Variants in ESYT2 observed in about 807,000 individuals in gnomAD.
ESYT2 encodes the protein extended synaptotagmin-2.
A neutral mutation model predicts 107.2 loss-of-function variants in ESYT2; 54 were observed. The ratio of observed to expected loss-of-function variants is 0.50; its 90% CI spans 0.40 to 0.63. ESYT2 has a LOEUF of 0.63. ESYT2 is among the 30% of genes least tolerant of loss of function. ESYT2 has a pLI of 0.00. For synonymous variants in ESYT2, 491 were observed against 434.1 expected (o/e 1.13, Z -1.63); for missense variants, 1,020 against 1,094.5 (o/e 0.93, Z 0.96).
intron 1 of ESYT2, among the ~76,000 whole-genome samples, chr7:158,809,625 A>G (rs1365079602): frequency 2.0e-5 from 3 of 152,208 alleles, no homozygotes; most frequent in Non-Finnish European, 4.4e-5. Context: ...CAAAATCACA[A>G]TGAGGTATCA....
At chr7:158,734,819 A>G (rs1046402002) in intron 21 of ESYT2, among the ~76,000 whole-genome samples, 1 of 152,236 alleles carries the variant, frequency 6.6e-6, no homozygotes, top group Non-Finnish European at 1.5e-5. Context: ...GTAGGCTAAG[A>G]CAATGTCTTT....
At chr7:158,825,331 C>A (rs969044751) in intron 1 of ESYT2, among the ~76,000 whole-genome samples, 2 of 152,110 alleles carry the variant, frequency 1.3e-5, no homozygotes, top group East Asian at 3.9e-4. Flanking sequence ...ATAAATAAAT[C>A]TTCTCTTCTT....
chr7:158,820,852 TAA>T (rs1432821202), intron 1 of ESYT2, among the ~76,000 whole-genome samples: 6 of 152,224 alleles, frequency 3.9e-5, no homozygotes. Flanking sequence ...ATGCTAGGAT[TAA>T]ACAGATTTGC....
intron 22 of ESYT2, 68 bp from the exon 23 acceptor site, chr7:158,734,320 G>A (rs1312492725): frequency 1.1e-5 from 18 of 1,612,078 alleles, no homozygotes; most frequent in Admixed American, 1.7e-5. Flanking sequence ...TATCAGATAC[G>A]TGTCGGGTTC....
rs1045928660 is a variant in ESYT2 at position 158,732,702 on chromosome 7, GGTTT to G, written c.*1501_*1504del. On this transcript the variant is annotated 3_prime_UTR_variant, in exon 23 of 23. Coordinates refer to ENST00000275418, the MANE Select transcript of ESYT2 (RefSeq NM_001367773.1). The stretch of plus-strand genomic sequence containing the variant: ...CCACCCGCCCCGTCACAGGCACTTT[GGTTT>G]GTTTGGTCATGTGAGTTACCCACAA... 6.6e-6 allele frequency: 1 copy of G among 152,606 alleles called. No individual in the cohort carries two copies. Among genetic ancestry groups the G allele is most frequent in the African/African-American group, 2.4e-5 (1 of 41,442 alleles). 9.5% of individuals were successfully genotyped at this position (152,606 alleles called of 1,614,324 possible).
rs1036618091 is a variant in ESYT2 at position 158,741,876 on chromosome 7, T to A, written c.1815A>T (p.Arg605=). The change falls in exon 18 of 23, where the codon CGA becomes CGT. Residue 605 remains arginine (R), a synonymous_variant. Transcript: ENST00000275418. The part of the protein sequence containing the change: ...IALRVLHLEK[R]ERPPDHQHSA... Reference sequence around the variant, plus strand: ...AGTGTTGGTGGTCTGGAGGCCTTTCTCGCTTTTCGAGATGGAGCACCTAGA... The same window carrying A: ...AGTGTTGGTGGTCTGGAGGCCTTTCACGCTTTTCGAGATGGAGCACCTAGA... The A allele has an allele frequency of 6.2e-6, 10 of 1,606,274 alleles. No individual in the cohort carries two copies. The highest frequency in any genetic ancestry group is 7.6e-6 in the Non-Finnish European group (9 of 1,176,880).
intron 8 of ESYT2, among the ~76,000 whole-genome samples, chr7:158,765,287 A>C (rs150668721): frequency 5.3e-5 from 8 of 152,322 alleles, no homozygotes; most frequent in Non-Finnish European, 7.4e-5. Flanking sequence ...GTGAGTAATA[A>C]CATGAGAGGT....
intron 6 of ESYT2, among the ~76,000 whole-genome samples, chr7:158,776,887 CT>C (rs1838585285): frequency 6.8e-6 from 1 of 148,040 alleles, no homozygotes; most frequent in African/African-American, 2.5e-5. Flanking sequence ...GAGTCTTGCT[CT>C]GTCGCCCAGG....
In ESYT2 at chr7:158,756,922, A is replaced by G. The variant is rs1011138776; in HGVS notation, c.1419+2564T>C. 6.1e-3 allele frequency among the ~76,000 whole-genome samples: 902 copies of G among 148,300 alleles called. 1 individual carries two copies. Among genetic ancestry groups the G allele is most frequent in the Non-Finnish European group, 9.4e-3 (634 of 67,096 alleles). On this transcript the variant is annotated intron_variant, in intron 13 of 22. Transcript: ENST00000275418. ...AAAACTCCATCTCAAATTAAAAAAA[A>G]AAAAAAAAAAAAAAAAAGGAGGGGA...
intron 6 of ESYT2, among the ~76,000 whole-genome samples, chr7:158,781,795 G>A (rs1462586376): frequency 1.3e-5 from 2 of 151,986 alleles, no homozygotes; most frequent in East Asian, 3.9e-4. Context: ...GTGAACGAGT[G>A]TGAGAACAAA....
chr7:158,767,369 C>T (rs899250044), intron 8 of ESYT2, among the ~76,000 whole-genome samples: 1 of 152,140 alleles, frequency 6.6e-6, no homozygotes. Context: ...CTAAGATGTC[C>T]GTGCCATGTA....
At chr7:158,774,058 T>C (rs1180372548) in intron 6 of ESYT2, among the ~76,000 whole-genome samples, 1 of 152,248 alleles carries the variant, frequency 6.6e-6, no homozygotes, top group Non-Finnish European at 1.5e-5. Flanking sequence ...ATTAAGTAGA[T>C]GTGGGTTGAT....
intron 7 of ESYT2, among the ~76,000 whole-genome samples, chr7:158,770,042 G>T (rs1005840177): frequency 1.3e-5 from 2 of 151,856 alleles, no homozygotes; most frequent in African/African-American, 4.8e-5. Context: ...ACAGGTGTGT[G>T]CCCACGCCCA....
intron 10 of ESYT2, among the ~76,000 whole-genome samples, chr7:158,762,212 GC>G (rs1837994442): frequency 6.6e-6 from 1 of 151,860 alleles, no homozygotes; most frequent in Non-Finnish European, 1.5e-5. Flanking sequence ...AGCCTCTTCT[GC>G]CCCCCACAAT....
chr7:158,783,918 G>T (rs1291507389), intron 6 of ESYT2, among the ~76,000 whole-genome samples: 1 of 152,232 alleles, frequency 6.6e-6, no homozygotes, highest in Non-Finnish European at 1.5e-5. Flanking sequence ...GGGGAGGGAA[G>T]CACCTTGAGA....
chr7:158,752,461 A>G (rs1837617036), intron 14 of ESYT2, among the ~76,000 whole-genome samples: 7 of 152,262 alleles, frequency 4.6e-5, no homozygotes, highest in Admixed American at 4.6e-4. Context: ...TAAGATTTTA[A>G]GTAGAACGTC....
intron 4 of ESYT2, among the ~76,000 whole-genome samples, chr7:158,790,195 C>T (rs1839242315): frequency 6.6e-6 from 1 of 152,176 alleles, no homozygotes; most frequent in African/African-American, 2.4e-5. Flanking sequence ...TAAAGAAAGT[C>T]TATGCTTCTT....
chr7:158,800,295 C>A lies in ESYT2; in HGVS notation c.331-1223G>T, dbSNP rs183069971. Among the ~76,000 whole-genome samples the A allele has an allele frequency of 6.4e-4, 98 of 152,304 alleles. 1 individual carries two copies. The highest frequency in any genetic ancestry group is 4.8e-3 in the Admixed American group (73 of 15,300). On this transcript the variant is annotated intron_variant, in intron 1 of 22. Transcript: ENST00000275418. ...ATCTCTTGACCTCGTGATCCGCCTG[C>A]CTCTGCCTCCCAAAGTGCTGAGATT... is the stretch of plus-strand genomic sequence containing the variant.
rs148300419 is a variant in ESYT2, at chr7:158,796,728, T to C, written c.507+1214A>G. On this transcript the variant is annotated intron_variant, in intron 3 of 22. Coordinates refer to ENST00000275418, the MANE Select transcript of ESYT2 (RefSeq NM_001367773.1). ...CCTCCCGGCAGATGGGAAGGGGCAGTGCGGGCGAGAGGGAAGCAGGACGGT... is the reference window on the plus strand; with the variant it reads ...CCTCCCGGCAGATGGGAAGGGGCAGCGCGGGCGAGAGGGAAGCAGGACGGT... Among the ~76,000 whole-genome samples the C allele has an allele frequency of 1.6e-3, 248 of 151,824 alleles. 1 individual carries two copies. Among genetic ancestry groups the C allele is most frequent in the Non-Finnish European group, 2.8e-3 (193 of 67,938 alleles).
Sources: allele counts gnomAD v4.1 joint callset (sites outside exome capture counted in the v4.1 genomes callset), GRCh38; gene constraint gnomAD v4.1.1; transcripts MANE v1.5; gene names NCBI Gene and HGNC (gene_info 2026-07-23, HGNC 2026-07-21).